Variants in ITGA3 observed in about 807,000 individuals in gnomAD.
ITGA3 encodes the protein integrin alpha-3.
ITGA3 carries 70 observed loss-of-function variants against 131.1 expected under a neutral mutation model. That is an observed-to-expected ratio of 0.53 (90% confidence interval 0.44 to 0.65). The LOEUF is 0.65. ITGA3 is among the 30% of genes least tolerant of loss of function. ITGA3 has a pLI of 0.00. For synonymous variants in ITGA3, 537 were observed against 571.6 expected (o/e 0.94, Z 0.86); for missense variants, 1,098 against 1,388.6 (o/e 0.79, Z 3.33).
rs61730084 is a variant in ITGA3 at position 50,074,247 on chromosome 17, T to C, written c.1349T>C (p.Val450Ala). ...GAGAACTTCTACCCAGACCTTCTAG[T>C]GGGAAGCCTGTCAGACCACATTGTG... is the stretch of plus-strand genomic sequence containing the variant. ...VDENFYPDLL[V>A]GSLSDHIVLL... The change falls in exon 9 of 26, where the codon GTG becomes GCG. Residue 450 changes from valine to alanine, a missense_variant. Physicochemically the swap from Val to Ala is moderately conservative, Grantham distance 64. Transcript: ENST00000320031. The C allele has an allele frequency of 2.8e-5, 46 of 1,614,040 alleles. No individual in the cohort carries two copies. Among genetic ancestry groups the C allele is most frequent in the Non-Finnish European group, 3.1e-5 (37 of 1,180,000 alleles).
chr17:50,056,461 G>C lies in ITGA3; in HGVS notation c.22G>C (p.Ala8Pro). The C allele has an allele frequency of 6.5e-7, 1 of 1,535,460 alleles. No homozygotes were observed. The highest frequency in any genetic ancestry group is 8.8e-7 in the Non-Finnish European group (1 of 1,141,030). ...AGCCATGGGCCCCGGCCCCAGCCGC[G>C]CGCCCCGCGCCCCACGCCTGATGCT... MGPGPSR[A>P]PRAPRLMLCA... The change falls in exon 1 of 26, where the codon GCG (alanine) becomes CCG (proline). Residue 8 changes from alanine (A) to proline (P), a missense_variant. Physicochemically the swap from Ala to Pro is conservative, Grantham distance 27. This residue lies in a region of ITGA3 where 43 missense variants were observed against 30.3 expected (regional missense o/e 1.42). Transcript: ENST00000320031. The surrounding 1 kb of genome is among the most constrained non-coding windows in gnomAD (Gnocchi z 5.6).
chr17:50,076,927 G>A (rs1908935797), intron 14 of ITGA3, 47 bp from the exon 15 acceptor site: 1 of 1,573,048 alleles, frequency 6.4e-7, no homozygotes, highest in Non-Finnish European at 8.7e-7. Context: ...ATCCGGGAGT[G>A]CCCTGGGGGC....
In ITGA3 at chr17:50,086,074, A is replaced by G. The variant is rs111218801; in HGVS notation, c.2920-1670A>G. ...TTATAATATATATTAGATTATGTATATTATAGATTTATAATATATATAGAA... is the reference window on the plus strand; with the variant it reads ...TTATAATATATATTAGATTATGTATGTTATAGATTTATAATATATATAGAA... On this transcript the variant is annotated intron_variant, in intron 23 of 25. Coordinates refer to ENST00000320031, the MANE Select transcript of ITGA3 (RefSeq NM_002204.4). 2.0e-3 allele frequency among the ~76,000 whole-genome samples: 13 copies of G among 6,460 alleles called. 2 individuals are homozygous for G. In the East Asian group the frequency reaches 0.029, roughly 14 times the overall value. The allele number at this position is 6,460 out of a possible 152,430, so 4.2% of individuals were successfully genotyped here.
In ITGA3 at chr17:50,075,702, G is replaced by C; in HGVS notation, c.1641G>C (p.Glu547Asp). The C allele has an allele frequency of 6.2e-7, 1 of 1,614,168 alleles. No individual in the cohort carries two copies. Among genetic ancestry groups the C allele is most frequent in the Non-Finnish European group, 8.5e-7 (1 of 1,180,014 alleles). The stretch of plus-strand genomic sequence containing the variant: ...TCCACGGCTTCTTCTCCATGCCCGA[G>C]ATGCGCTGCCAGAAGCTGGAGCTGC... ...AVFHGFFSMP[E>D]MRCQKLELLL... Residue 547 changes from glutamate to aspartate, a missense_variant, in exon 12 of 26, where the codon GAG becomes GAC. Around this residue, in one of 3 missense-constraint regions of ITGA3, gnomAD observed 699 missense variants for 829.2 expected, o/e 0.84. Coordinates refer to ENST00000320031, the MANE Select transcript of ITGA3 (RefSeq NM_002204.4).
chr17:50,056,587 AGCCTCTTCG>A lies in ITGA3; in HGVS notation c.151_159del (p.Leu51_Gly53del). The A allele has an allele frequency of 6.3e-7, 1 of 1,593,878 alleles. No individual in the cohort carries two copies. Among genetic ancestry groups the A allele is most frequent in the Non-Finnish European group, 8.5e-7 (1 of 1,171,198 alleles). On this transcript the variant is annotated inframe_deletion, in exon 1 of 26. Coordinates refer to ENST00000320031, the MANE Select transcript of ITGA3 (RefSeq NM_002204.4). This position sits in a 1 kb window ranked among gnomAD's most constrained non-coding sequence, Gnocchi z 5.6. The stretch of plus-strand genomic sequence containing the variant: ...AGTGAAGGAGGCCGGGAACCCGGGC[AGCCTCTTCG>A]GCTACTCGGTCGCCCTCCATCGGCA...
At chr17:50,082,397 T>A (rs1909226639) in intron 23 of ITGA3, among the ~76,000 whole-genome samples, 1 of 152,120 alleles carries the variant, frequency 6.6e-6, no homozygotes. Context: ...CAGGATGGTC[T>A]CAATTTCCTG....
intron 1 of ITGA3, among the ~76,000 whole-genome samples, chr17:50,062,111 A>G (rs4793635): frequency 0.17 from 25,503 of 151,812 alleles, 3,871 homozygotes; most frequent in African/African-American, 0.41. Flanking sequence ...GGCATGCTAG[A>G]CCAGTCCTGA....
Position 50,056,478 on chromosome 17 carries a change from C to T in ITGA3, c.39C>T (p.Arg13=). ...PGPSRAPRAP[R]LMLCALALMV... is the part of the protein sequence containing the mutation. ...CCAGCCGCGCGCCCCGCGCCCCACG[C>T]CTGATGCTCTGTGCGCTCGCCTTGA... Residue 13 remains arginine, a synonymous_variant, in exon 1 of 26, where the codon CGC becomes CGT. Coordinates refer to ENST00000320031, the MANE Select transcript of ITGA3 (RefSeq NM_002204.4). This position sits in a 1 kb window ranked among gnomAD's most constrained non-coding sequence, Gnocchi z 5.6. 2 of 1,548,994 alleles carry T rather than the reference C, an allele frequency of 1.3e-6. No individual in the cohort carries two copies. Among genetic ancestry groups the T allele is most frequent in the Non-Finnish European group, 1.7e-6 (2 of 1,146,660 alleles).
Position 50,078,280 on chromosome 17 carries a change from A to C in ITGA3, c.2293A>C (p.Ser765Arg), listed in dbSNP as rs780918381. 6.2e-7 allele frequency: 1 copy of C among 1,613,326 alleles called. No individual in the cohort carries two copies. The highest frequency in any genetic ancestry group is 1.7e-5 in the Admixed American group (1 of 59,996). ...GGACTATACACTCCAGACCTCGCTT[A>C]GCATGTGGGTACCGCTCTCCACCAC... is the stretch of plus-strand genomic sequence containing the variant. Reference protein sequence around the residue: ...LVDYTLQTSLSMVNHRLQSFF... With the variant: ...LVDYTLQTSLRMVNHRLQSFF... The change falls in exon 18 of 26, where the codon AGC becomes CGC. Residue 765 changes from serine to arginine, a missense_variant. Coordinates refer to ENST00000320031, the MANE Select transcript of ITGA3 (RefSeq NM_002204.4).
intron 7 of ITGA3, among the ~76,000 whole-genome samples, chr17:50,072,709 G>T (rs892234825): frequency 2.6e-5 from 4 of 152,122 alleles, no homozygotes; most frequent in East Asian, 3.8e-4. Context: ...TCTGGAAGGG[G>T]TATGGAATGA....
Position 50,056,191 on chromosome 17 carries a change from G to A in ITGA3, c.-249G>A. ...GGACAAGCTGGGGGCCGGTTGCCCG[G>A]GGCAGGGACGGCGGCGACCCGGCCG... On this transcript the variant is annotated 5_prime_UTR_variant, in exon 1 of 26. Transcript: ENST00000320031. This position sits in a 1 kb window ranked among gnomAD's most constrained non-coding sequence, Gnocchi z 5.6. 1.2e-5 allele frequency: 5 copies of A among 426,816 alleles called. No homozygotes were observed. The highest frequency in any genetic ancestry group is 2.1e-5 in the Non-Finnish European group (5 of 243,164). 26.4% of individuals were successfully genotyped at this position (426,816 alleles called of 1,614,324 possible).
chr17:50,082,010 T>C (rs1382305647), intron 23 of ITGA3, among the ~76,000 whole-genome samples: 1 of 152,156 alleles, frequency 6.6e-6, no homozygotes, highest in Non-Finnish European at 1.5e-5. Context: ...GCTATTATTT[T>C]ATTTTATTTT....
At chr17:50,076,941 G>A in intron 14 of ITGA3, 33 bp from the exon 15 acceptor site, 1 of 1,584,128 alleles carries the variant, frequency 6.3e-7, no homozygotes, top group Non-Finnish European at 8.6e-7. Flanking sequence ...TGGGGGCGGG[G>A]CTCTTGGCTG....
intron 9 of ITGA3, 58 bp from the exon 10 acceptor site, chr17:50,074,390 C>T: frequency 6.3e-7 from 1 of 1,597,538 alleles, no homozygotes. Context: ...TGGGCCCCAA[C>T]TCTGGCCTGG....
intron 12 of ITGA3, 43 bp downstream of exon 12, chr17:50,075,778 T>C: frequency 6.2e-7 from 1 of 1,605,526 alleles, no homozygotes; most frequent in Non-Finnish European, 8.5e-7. Flanking sequence ...CCCAGGTCCC[T>C]GGAGGAGGTG....
In ITGA3 at chr17:50,072,026, A is replaced by G. The variant is rs772187398; in HGVS notation, c.1000A>G (p.Arg334Gly). Residue 334 changes from arginine (R) to glycine (G), a missense_variant, in exon 7 of 26, where the codon AGG (arginine) becomes GGG (glycine). Arg to Gly is a moderately radical substitution (Grantham distance 125, BLOSUM62 -2). This residue lies in a region of ITGA3 where 356 missense variants were observed against 529.2 expected (regional missense o/e 0.67). Coordinates refer to ENST00000320031, the MANE Select transcript of ITGA3 (RefSeq NM_002204.4). ...LLVGAPYYFE[R>G]KEEVGGAIYV... The stretch of plus-strand genomic sequence containing the variant: ...GGTGGGCGCCCCCTACTACTTCGAG[A>G]GGAAAGAGGAAGTAGGGGGTGCCAT... The G allele has an allele frequency of 6.2e-7, 1 of 1,613,782 alleles. No homozygotes were observed. The highest frequency in any genetic ancestry group is 1.7e-5 in the Admixed American group (1 of 59,990).
rs758248243 is a variant in ITGA3, at chr17:50,089,265, A to G, written c.*187A>G. ...GGCAGACTCGGGACCAATACTACTG[A>G]CGTCCTCCCTGATCCCACCCCCTCC... On this transcript the variant is annotated 3_prime_UTR_variant, in exon 26 of 26. Coordinates refer to ENST00000320031, the MANE Select transcript of ITGA3 (RefSeq NM_002204.4). The G allele has an allele frequency of 3.1e-6, 5 of 1,611,662 alleles. No homozygotes were observed. Among genetic ancestry groups the G allele is most frequent in the Non-Finnish European group, 4.2e-6 (5 of 1,179,300 alleles).
Position 50,056,610 on chromosome 17 carries a change from C to T in ITGA3, c.171C>T (p.Ala57=). ...NPGSLFGYSV[A]LHRQTERQQR... ...GCAGCCTCTTCGGCTACTCGGTCGC[C>T]CTCCATCGGCAGACAGAGCGGCAGC... The change falls in exon 1 of 26, where the codon GCC becomes GCT. Residue 57 remains alanine, a synonymous_variant. Transcript: ENST00000320031. The surrounding 1 kb of genome is among the most constrained non-coding windows in gnomAD (Gnocchi z 5.6). The T allele has an allele frequency of 1.2e-6, 2 of 1,601,222 alleles. No homozygotes were observed. The highest frequency in any genetic ancestry group is 1.7e-6 in the Non-Finnish European group (2 of 1,174,872).
chr17:50,084,570 G>C (rs1909308868), intron 23 of ITGA3, among the ~76,000 whole-genome samples: 1 of 152,122 alleles, frequency 6.6e-6, no homozygotes, highest in Non-Finnish European at 1.5e-5. Flanking sequence ...CCTCAGAAGA[G>C]ATTAGGCTGA....
Sources: allele counts gnomAD v4.1 joint callset (sites outside exome capture counted in the v4.1 genomes callset), GRCh38; gene constraint gnomAD v4.1.1; regional missense constraint gnomAD v4.1.1; non-coding constraint Gnocchi (gnomAD v3.1); transcripts MANE v1.5; gene names NCBI Gene and HGNC (gene_info 2026-07-23, HGNC 2026-07-21).